PDXK: variants seen among roughly 807,000 people sequenced by gnomAD.
The protein encoded by PDXK is pyridoxal kinase.
A neutral mutation model predicts 43.2 loss-of-function variants in PDXK; 15 were observed. The ratio of observed to expected loss-of-function variants is 0.35; its 90% confidence interval spans 0.23 to 0.53. The LOEUF is 0.53. PDXK is among the 20% of genes least tolerant of loss of function. PDXK has a pLI of 0.92. For synonymous variants in PDXK, 172 were observed against 165.4 expected (o/e 1.04, Z -0.31); for missense variants, 343 against 417.0 (o/e 0.82, Z 1.54).
intron 5 of PDXK, 94 bp downstream of exon 5, chr21:43,746,219 C>T (rs1030380898): frequency 8.2e-6 from 8 of 976,190 alleles, no homozygotes; most frequent in East Asian, 4.8e-5. Context: ...GTGTCTAACT[C>T]GGTGGGACTC....
intron 8 of PDXK, among the ~76,000 whole-genome samples, chr21:43,753,337 A>T (rs1236461208): frequency 6.6e-6 from 1 of 152,038 alleles, no homozygotes; most frequent in African/African-American, 2.4e-5. Flanking sequence ...TACTCTCGGG[A>T]GTTTCACAGC....
In PDXK at chr21:43,737,134, A is replaced by G. The variant is rs2083417915; in HGVS notation, c.142+3011A>G. The G allele has an allele frequency of 1.5e-6, 2 of 1,336,542 alleles. No homozygotes were observed. The highest frequency in any genetic ancestry group is 1.4e-5 in the African/African-American group (1 of 69,212). 82.8% of individuals were successfully genotyped at this position (1,336,542 alleles called of 1,614,324 possible). On this transcript the variant is annotated intron_variant, in intron 2 of 10. Transcript: ENST00000291565. This position sits in a 1 kb window ranked among gnomAD's most constrained non-coding sequence, Gnocchi z 4.8. ...TTGTTACTGGGGTGGTCACGTGGGC[A>G]GCTTCTGCCTGGGATGGGCCACAAA... is the stretch of plus-strand genomic sequence containing the variant.
chr21:43,751,520 G>A (rs1163462576), intron 7 of PDXK, among the ~76,000 whole-genome samples: 1 of 152,250 alleles, frequency 6.6e-6, no homozygotes, highest in Non-Finnish European at 1.5e-5. Flanking sequence ...CTGCACTCCA[G>A]CCTGGGCAAC....
At chr21:43,755,889 G>A (rs1349724736) in intron 10 of PDXK, 62 bp from the exon 11 acceptor site, 1 of 1,456,556 alleles carries the variant, frequency 6.9e-7, no homozygotes, top group African/African-American at 1.4e-5. Flanking sequence ...ACCTCTGGGA[G>A]TGGGGGCAAC....
intron 2 of PDXK, among the ~76,000 whole-genome samples, chr21:43,740,151 G>A (rs1246691764): frequency 6.6e-6 from 1 of 152,098 alleles, no homozygotes; most frequent in African/African-American, 2.4e-5. Flanking sequence ...GCCGCACTGT[G>A]CCTGGAGCGT....
chr21:43,757,489 C>T lies in PDXK; in HGVS notation c.*1426C>T, dbSNP rs1229248226. The T allele has an allele frequency of 2.0e-5, 3 of 152,252 alleles. No individual in the cohort carries two copies. The highest frequency in any genetic ancestry group is 7.2e-5 in the African/African-American group (3 of 41,466). The allele number at this position is 152,252 out of a possible 1,614,324, so 9.4% of individuals were successfully genotyped here. A position where few individuals can be genotyped will look rare whatever the true frequency, so the allele number is the denominator to read the frequency against. On this transcript the variant is annotated 3_prime_UTR_variant, in exon 11 of 11. Transcript: ENST00000291565. ...TACCTTCCCCACGGACGGGCCCCTCCTGGAGCCCATACCCTCCTGTGAGGC... is the reference window on the plus strand; with the variant it reads ...TACCTTCCCCACGGACGGGCCCCTCTTGGAGCCCATACCCTCCTGTGAGGC...
chr21:43,741,527 TCTC>T (rs776182293), intron 2 of PDXK, 137 bp from the exon 3 acceptor site: 67 of 1,475,988 alleles, frequency 4.5e-5, no homozygotes, highest in Middle Eastern at 2.5e-4. Context: ...CGCCTAGTGA[TCTC>T]CTTCGGGTTT....
intron 1 of PDXK, chr21:43,719,777 G>A (rs1335765418): frequency 1.0e-6 from 1 of 985,378 alleles, no homozygotes; most frequent in Non-Finnish European, 1.2e-6. Flanking sequence ...GAGCAGTCAC[G>A]CGAGCCGGGA....
At chr21:43,752,180 G>T (rs940254713) in intron 7 of PDXK, among the ~76,000 whole-genome samples, 1 of 152,316 alleles carries the variant, frequency 6.6e-6, no homozygotes, top group South Asian at 2.1e-4. Flanking sequence ...CAGTTTCTAC[G>T]AGAGTTACAG....
intron 1 of PDXK, chr21:43,719,621 G>A (rs2083189742): frequency 1.0e-6 from 1 of 985,304 alleles, no homozygotes; most frequent in East Asian, 1.1e-4. Context: ...GTCGGGGTAC[G>A]CGGGTAGGAG....
chr21:43,751,659 A>T (rs749498479), intron 7 of PDXK, among the ~76,000 whole-genome samples: 1 of 152,210 alleles, frequency 6.6e-6, no homozygotes, highest in Non-Finnish European at 1.5e-5. Flanking sequence ...GGCGGGGGCT[A>T]CTTTGCTACC....
intron 1 of PDXK, among the ~76,000 whole-genome samples, chr21:43,727,114 G>A (rs1409073737): frequency 3.3e-5 from 5 of 152,224 alleles, no homozygotes; most frequent in Non-Finnish European, 7.3e-5. Context: ...AGGGAGGGGC[G>A]GATCCGCAGA....
At chr21:43,750,047 C>T (rs1479224683) in intron 6 of PDXK, among the ~76,000 whole-genome samples, 2 of 152,312 alleles carry the variant, frequency 1.3e-5, no homozygotes, top group Non-Finnish European at 1.5e-5. Context: ...GGGGTGGGGG[C>T]GCCTGGACTC....
In PDXK at chr21:43,736,637, T is replaced by G. The variant is rs1312596878; in HGVS notation, c.142+2514T>G. On this transcript the variant is annotated intron_variant, in intron 2 of 10. Coordinates refer to ENST00000291565, the MANE Select transcript of PDXK (RefSeq NM_003681.5). Reference sequence around the variant, plus strand: ...TTCCTTTTCCTTTTTCTGTTTTTTTTTTTTTTTTTTTGTGAGACAAGGTCT... The same window carrying G: ...TTCCTTTTCCTTTTTCTGTTTTTTTGTTTTTTTTTTTGTGAGACAAGGTCT... 7.4e-5 allele frequency among the ~76,000 whole-genome samples: 11 copies of G among 149,240 alleles called. No homozygotes were observed. In the South Asian group the frequency reaches 1.3e-3, roughly 17 times the overall value.
chr21:43,752,084 G>A (rs1048638465), intron 7 of PDXK, among the ~76,000 whole-genome samples: 1 of 150,328 alleles, frequency 6.7e-6, no homozygotes. Flanking sequence ...GACACGTGCT[G>A]GGTGGCGATG....
chr21:43,752,656 C>G (rs1298283517), intron 8 of PDXK, 27 bp downstream of exon 8: 1 of 1,354,686 alleles, frequency 7.4e-7, no homozygotes, highest in East Asian at 2.3e-5. Context: ...TGCACCGTGG[C>G]CGCCTCTGCT....
intron 1 of PDXK, among the ~76,000 whole-genome samples, chr21:43,728,270 C>G (rs907539373): frequency 1.3e-5 from 2 of 152,144 alleles, no homozygotes; most frequent in African/African-American, 4.8e-5. Flanking sequence ...GTGGGAGGGA[C>G]GCGGGGTGCT....
Position 43,719,709 on chromosome 21 carries a change from G to A in PDXK, c.87+328G>A. 3.0e-6 allele frequency: 3 copies of A among 985,476 alleles called. 1 individual carries two copies. The highest frequency in any genetic ancestry group is 9.4e-5 in the South Asian group (2 of 21,294). The allele number at this position is 985,476 out of a possible 1,614,324, so 61.0% of individuals were successfully genotyped here. On this transcript the variant is annotated intron_variant, in intron 1 of 10. Transcript: ENST00000291565. ...CGACCGGGCCAACTGCCGCGGGGGC[G>A]GGCGGGCGGTGCGGCTCCCGGAGGC...
intron 5 of PDXK, among the ~76,000 whole-genome samples, chr21:43,747,831 C>T (rs1476614161): frequency 6.6e-6 from 1 of 152,236 alleles, no homozygotes; most frequent in Non-Finnish European, 1.5e-5. Context: ...CGTATCTCCC[C>T]TTTCCGTGAG....
Sources: gnomAD v4.1 joint callset for allele counts (sites outside exome capture counted in the v4.1 genomes callset) on GRCh38, gnomAD v4.1.1 for gene constraint, Gnocchi (gnomAD v3.1) non-coding constraint, MANE v1.5 for transcripts, NCBI Gene and HGNC (gene_info 2026-07-23, HGNC 2026-07-21) for gene names.